The following DNER variants were observed in gnomAD, a reference collection of about 807,000 sequenced individuals.
The protein encoded by DNER is delta and Notch-like epidermal growth factor-related receptor.
Under a neutral mutation model 78.2 loss-of-function variants are expected in DNER, and 33 were observed. The ratio of observed to expected loss-of-function variants is 0.42; its 90% confidence interval spans 0.32 to 0.56. The LOEUF is 0.56. Among genes scored for constraint, DNER ranks in the 20% least tolerant of loss-of-function variants. DNER has a pLI of 0.11. For synonymous variants in DNER, 417 were observed against 384.8 expected, an observed-to-expected ratio of 1.08 and a Z score of -0.98; for missense variants, 918 against 975.3, an observed-to-expected ratio of 0.94 and a Z score of 0.78.
intron 1 of DNER, among the ~76,000 whole-genome samples, chr2:229,633,973 T>C (rs1314603242): frequency 6.6e-6 from 1 of 152,228 alleles, no homozygotes; most frequent in East Asian, 1.9e-4. Context: ...GAAAATAGGA[T>C]ACCAGAATAT....
chr2:229,666,628 T>G (rs2154216702), intron 1 of DNER, among the ~76,000 whole-genome samples: 1 of 152,338 alleles, frequency 6.6e-6, no homozygotes, highest in South Asian at 2.1e-4. Context: ...CCACATGTAT[T>G]ATTATATTAA....
intron 11 of DNER, among the ~76,000 whole-genome samples, chr2:229,372,661 C>A (rs1220799588): frequency 6.6e-6 from 1 of 152,066 alleles, no homozygotes; most frequent in African/African-American, 2.4e-5. Flanking sequence ...TCTGAGTGTT[C>A]CAATTTGCAC....
At chr2:229,471,210 T>C (rs959969466) in intron 7 of DNER, among the ~76,000 whole-genome samples, 9 of 152,194 alleles carry the variant, frequency 5.9e-5, no homozygotes, top group African/African-American at 1.9e-4. Context: ...TACCCAGTTT[T>C]TAAACAATAC....
At chr2:229,584,438 G>A (rs1279998123) in intron 4 of DNER, among the ~76,000 whole-genome samples, 1 of 152,128 alleles carries the variant, frequency 6.6e-6, no homozygotes, top group African/African-American at 2.4e-5. Context: ...CATTATGTCA[G>A]CACACGAAGG....
chr2:229,529,859 T>C (rs1358619266), intron 5 of DNER, among the ~76,000 whole-genome samples: 1 of 152,006 alleles, frequency 6.6e-6, no homozygotes, highest in East Asian at 1.9e-4. Flanking sequence ...AATAAAAAAT[T>C]AGCTGGGCAT....
At chr2:229,410,376 C>T (rs1693484653) in intron 9 of DNER, among the ~76,000 whole-genome samples, 1 of 152,188 alleles carries the variant, frequency 6.6e-6, no homozygotes, top group African/African-American at 2.4e-5. Context: ...AAATTATGGA[C>T]CTAACACCGG....
chr2:229,671,745 C>T (rs977263027), intron 1 of DNER, among the ~76,000 whole-genome samples: 6 of 152,208 alleles, frequency 3.9e-5, no homozygotes, highest in Admixed American at 3.9e-4. Context: ...TGGGACCAAG[C>T]TGTCGGGTTT....
At chr2:229,618,631 T>A (rs1340938280) in intron 1 of DNER, among the ~76,000 whole-genome samples, 1 of 152,218 alleles carries the variant, frequency 6.6e-6, no homozygotes, top group Non-Finnish European at 1.5e-5. Context: ...GGGCACCAAG[T>A]CTCAGCTGCC....
chr2:229,515,647 AT>A (rs752562029), intron 5 of DNER, among the ~76,000 whole-genome samples: 29 of 102,780 alleles, frequency 2.8e-4, no homozygotes, highest in South Asian at 1.5e-3. Context: ...TTATTTTTTT[AT>A]TTTTTTTTTT....
intron 1 of DNER, among the ~76,000 whole-genome samples, chr2:229,603,432 A>C (rs1697871865): frequency 6.6e-6 from 1 of 152,234 alleles, no homozygotes; most frequent in African/African-American, 2.4e-5. Flanking sequence ...AAAGAATATT[A>C]ATGAGCTGGA....
chr2:229,376,200 C>T (rs917456423), intron 11 of DNER, among the ~76,000 whole-genome samples: 9 of 152,164 alleles, frequency 5.9e-5, no homozygotes, highest in African/African-American at 9.6e-5. Flanking sequence ...AACTAATCAA[C>T]GAAGCGATGG....
chr2:229,634,503 T>C (rs1380172380), intron 1 of DNER, among the ~76,000 whole-genome samples: 1 of 152,214 alleles, frequency 6.6e-6, no homozygotes, highest in African/African-American at 2.4e-5. Context: ...TTCTGAATTC[T>C]AGAAACATAT....
In DNER at chr2:229,517,473, G is replaced by GT. The variant is rs563892830; in HGVS notation, c.994-4538dup. 2.0e-5 allele frequency among the ~76,000 whole-genome samples: 3 copies of GT among 152,370 alleles called. No individual in the cohort carries two copies. In the South Asian group the frequency reaches 6.2e-4, roughly 32 times the overall value. ...AAAACAGGGCCAGGACTTGCTGGAG[G>GT]TGCAGAGTGGCCATGGAGGCATCCG... On this transcript the variant is annotated intron_variant, in intron 5 of 12. Transcript: ENST00000341772.
At chr2:229,487,810 C>A (rs1000219701) in intron 6 of DNER, among the ~76,000 whole-genome samples, 15 of 152,182 alleles carry the variant, frequency 9.9e-5, no homozygotes, top group African/African-American at 3.6e-4. Flanking sequence ...AAGACACATT[C>A]CCATGAAACA....
intron 1 of DNER, among the ~76,000 whole-genome samples, chr2:229,661,653 G>A (rs1011976028): frequency 3.9e-5 from 6 of 152,192 alleles, no homozygotes; most frequent in African/African-American, 1.4e-4. Context: ...GAAGCCAAAT[G>A]TTAATAAAAC....
At chr2:229,461,165 C>T (rs1217631343) in intron 7 of DNER, among the ~76,000 whole-genome samples, 3 of 152,102 alleles carry the variant, frequency 2.0e-5, no homozygotes, top group Admixed American at 6.5e-5. Flanking sequence ...TTCTCATTCA[C>T]TCTATTTTCT....
intron 1 of DNER, among the ~76,000 whole-genome samples, chr2:229,626,705 G>A (rs1259871015): frequency 1.3e-5 from 2 of 152,196 alleles, no homozygotes; most frequent in Non-Finnish European, 2.9e-5. Context: ...ATTGGTAGGA[G>A]ATATTTTAAT....
intron 1 of DNER, among the ~76,000 whole-genome samples, chr2:229,608,626 G>A (rs532197178): frequency 3.3e-5 from 5 of 152,282 alleles, no homozygotes; most frequent in South Asian, 2.1e-4. Flanking sequence ...AGTGTCATAC[G>A]TCTGTGCACA....
At chr2:229,413,516 T>C (rs963638095) in intron 9 of DNER, among the ~76,000 whole-genome samples, 4 of 151,294 alleles carry the variant, frequency 2.6e-5, no homozygotes, top group Non-Finnish European at 4.4e-5. Flanking sequence ...AGAGATGGGG[T>C]TTCACCATGT....
Sources: allele counts gnomAD v4.1 joint callset (sites outside exome capture counted in the v4.1 genomes callset), GRCh38; gene constraint gnomAD v4.1.1; transcripts MANE v1.5; gene names NCBI Gene and HGNC (gene_info 2026-07-23, HGNC 2026-07-21).